Variants in SLMAP observed in about 807,000 individuals in gnomAD.
The protein encoded by SLMAP is sarcolemma associated protein.
A neutral mutation model predicts 128.8 loss-of-function variants in SLMAP; 44 were observed. The ratio of observed to expected loss-of-function variants is 0.34; its 90% CI spans 0.27 to 0.44. The LOEUF is 0.44. SLMAP is among the 20% of genes least tolerant of loss of function. The pLI, the probability that SLMAP is intolerant of heterozygous loss-of-function variation, is 1.00. For missense variants in SLMAP, 787 were observed against 985.3 expected, an observed-to-expected ratio of 0.80 and a Z score of 2.69; for synonymous variants, 327 against 348.8, an observed-to-expected ratio of 0.94 and a Z score of 0.70.
At chr3:57,784,098 C>G (rs1166509150) in intron 2 of SLMAP, among the ~76,000 whole-genome samples, 1 of 152,120 alleles carries the variant, frequency 6.6e-6, no homozygotes, top group Non-Finnish European at 1.5e-5. Flanking sequence ...GGGGCCCAGA[C>G]AGAGATGTGT....
intron 14 of SLMAP, among the ~76,000 whole-genome samples, chr3:57,886,722 G>C (rs1406044653): frequency 6.7e-6 from 1 of 149,308 alleles, no homozygotes; most frequent in Non-Finnish European, 1.5e-5. Context: ...TAGAATACAA[G>C]ATAATTCCCC....
intron 2 of SLMAP, among the ~76,000 whole-genome samples, chr3:57,777,076 G>T (rs2082093933): frequency 1.5e-5 from 2 of 137,466 alleles, no homozygotes; most frequent in African/African-American, 5.4e-5. Flanking sequence ...AATTATGGAA[G>T]TACTAGCGTA....
intron 2 of SLMAP, among the ~76,000 whole-genome samples, chr3:57,824,942 TAC>T (rs931356439): frequency 2.0e-5 from 3 of 152,248 alleles, no homozygotes; most frequent in African/African-American, 7.2e-5. Flanking sequence ...AGCAATATTT[TAC>T]AGTTTTTAAA....
intron 2 of SLMAP, among the ~76,000 whole-genome samples, chr3:57,811,267 C>T (rs1286447176): frequency 6.6e-6 from 1 of 152,068 alleles, no homozygotes; most frequent in Non-Finnish European, 1.5e-5. Flanking sequence ...CCAGTCCCTG[C>T]CAGACTCCAT....
At chr3:57,868,823 A>ATATAT (rs2095380723) in intron 13 of SLMAP, among the ~76,000 whole-genome samples, 1 of 132,304 alleles carries the variant, frequency 7.6e-6, no homozygotes, top group African/African-American at 2.9e-5. Context: ...TATATATATA[A>ATATAT]AATATATATA....
chr3:57,891,412 T>C (rs2096066852), intron 15 of SLMAP, among the ~76,000 whole-genome samples: 1 of 152,202 alleles, frequency 6.6e-6, no homozygotes, highest in African/African-American at 2.4e-5. Flanking sequence ...GTTTTATAGT[T>C]TGATACATTT....
intron 14 of SLMAP, among the ~76,000 whole-genome samples, chr3:57,883,613 G>A (rs1047940854): frequency 2.0e-5 from 3 of 152,136 alleles, no homozygotes; most frequent in African/African-American, 7.2e-5. Flanking sequence ...CCCATTCATA[G>A]TAAAATATTA....
chr3:57,781,488 C>T (rs968541992), intron 2 of SLMAP, among the ~76,000 whole-genome samples: 1 of 152,050 alleles, frequency 6.6e-6, no homozygotes, highest in Non-Finnish European at 1.5e-5. Flanking sequence ...GTATAATAAT[C>T]TACCTTTCTT....
At chr3:57,859,301 C>T (rs1398872041) in intron 8 of SLMAP, among the ~76,000 whole-genome samples, 3 of 136,330 alleles carry the variant, frequency 2.2e-5, no homozygotes, top group African/African-American at 5.6e-5. Context: ...CCAGCCTGGG[C>T]GACAGAGCGA....
chr3:57,904,700 G>A (rs186872563), intron 17 of SLMAP, among the ~76,000 whole-genome samples: 5 of 152,226 alleles, frequency 3.3e-5, no homozygotes, highest in Admixed American at 1.3e-4. Flanking sequence ...CCAGGAGTTC[G>A]AGTTTATCTC....
chr3:57,887,563 C>T (rs1284863087), intron 14 of SLMAP, among the ~76,000 whole-genome samples: 4 of 152,166 alleles, frequency 2.6e-5, no homozygotes, highest in Non-Finnish European at 5.9e-5. Flanking sequence ...TTCTCATTCA[C>T]ACTACATGTC....
intron 3 of SLMAP, among the ~76,000 whole-genome samples, chr3:57,839,043 T>C (rs182325202): frequency 7.9e-5 from 12 of 152,204 alleles, no homozygotes; most frequent in Admixed American, 2.6e-4. Context: ...AGCCTCGAAC[T>C]CCCAGGCTCA....
chr3:57,781,993 A>G lies in SLMAP; in HGVS notation c.198+24144A>G, dbSNP rs2083190009. The stretch of plus-strand genomic sequence containing the variant: ...AAGTGACTGCCCATGTCAGCCTTCC[A>G]AAGTGTTGGCATTACAGGTGTGAGC... On this transcript the variant is annotated intron_variant, in intron 2 of 24. Coordinates refer to ENST00000671191, the MANE Select transcript of SLMAP (RefSeq NM_001377540.1). 2.6e-5 allele frequency among the ~76,000 whole-genome samples: 4 copies of G among 152,252 alleles called. No individual in the cohort carries two copies. The South Asian group carries it at 8.3e-4, about 32-fold the overall frequency.
At chr3:57,919,811 A>G (rs2096883755) in intron 22 of SLMAP, among the ~76,000 whole-genome samples, 1 of 151,878 alleles carries the variant, frequency 6.6e-6, no homozygotes, top group Non-Finnish European at 1.5e-5. Flanking sequence ...AAAAAAAAAA[A>G]TTCCTAAAAC....
intron 3 of SLMAP, among the ~76,000 whole-genome samples, chr3:57,837,005 T>C (rs114329604): frequency 0.011 from 1,731 of 152,324 alleles, 32 homozygotes; most frequent in African/African-American, 0.039. Context: ...TTAGTTAAGC[T>C]CCTGTGAACA....
At chr3:57,792,126 A>C (rs893399858) in intron 2 of SLMAP, among the ~76,000 whole-genome samples, 7 of 152,140 alleles carry the variant, frequency 4.6e-5, no homozygotes, top group Admixed American at 3.3e-4. Flanking sequence ...AAAATTTTGT[A>C]ATAATTGTGT....
intron 2 of SLMAP, among the ~76,000 whole-genome samples, chr3:57,830,477 A>G (rs549141250): frequency 3.3e-5 from 5 of 152,318 alleles, no homozygotes; most frequent in Admixed American, 3.3e-4. Flanking sequence ...AGAAAAATCG[A>G]AAAAGAAAGG....
chr3:57,797,296 C>T (rs1233590881), intron 2 of SLMAP, among the ~76,000 whole-genome samples: 1 of 151,226 alleles, frequency 6.6e-6, no homozygotes, highest in East Asian at 1.9e-4. Context: ...ACCAGCCTGA[C>T]CAACATGGAG....
intron 14 of SLMAP, among the ~76,000 whole-genome samples, chr3:57,874,092 C>T (rs753990639): frequency 3.3e-5 from 5 of 152,074 alleles, no homozygotes; most frequent in Non-Finnish European, 5.9e-5. Context: ...CACTGCACTC[C>T]GGCCTGGGCA....
Sources: gnomAD v4.1 joint callset for allele counts (sites outside exome capture counted in the v4.1 genomes callset) on GRCh38, gnomAD v4.1.1 for gene constraint, MANE v1.5 for transcripts, NCBI Gene and HGNC (gene_info 2026-07-23, HGNC 2026-07-21) for gene names.